Variants in ELMO2 observed in about 807,000 individuals in gnomAD.
ELMO2 encodes engulfment and cell motility 2.
Under a neutral mutation model 96.2 loss-of-function variants are expected in ELMO2, and 37 were observed. The observed-to-expected ratio is 0.38, with a 90% CI of 0.30 to 0.51. ELMO2 has a LOEUF of 0.51. Ranked by LOEUF, ELMO2 falls within the 20% of genes least tolerant of loss-of-function variation. ELMO2 has a pLI of 0.88. For missense variants in ELMO2, 561 were observed against 912.6 expected, an observed-to-expected ratio of 0.61 and a Z score of 4.96; for synonymous variants, 315 against 329.4, an observed-to-expected ratio of 0.96 and a Z score of 0.47.
intron 6 of ELMO2, among the ~76,000 whole-genome samples, chr20:46,391,743 TA>T (rs1205382767): frequency 6.6e-6 from 1 of 152,104 alleles, no homozygotes; most frequent in Non-Finnish European, 1.5e-5. Context: ...TAAGGGCACA[TA>T]AAAAATTGCA....
intron 1 of ELMO2, among the ~76,000 whole-genome samples, chr20:46,402,797 G>C (rs1466672157): frequency 1.3e-5 from 2 of 152,250 alleles, no homozygotes; most frequent in Non-Finnish European, 2.9e-5. Context: ...TTCTGGTTTA[G>C]TCCTCCTCCT....
chr20:46,374,078 T>A (rs1291369708), intron 15 of ELMO2, among the ~76,000 whole-genome samples: 5 of 146,008 alleles, frequency 3.4e-5, no homozygotes, highest in Non-Finnish European at 7.5e-5. Flanking sequence ...AGGCATGCAC[T>A]ACCAGTTGGC....
intron 1 of ELMO2, among the ~76,000 whole-genome samples, chr20:46,404,185 AC>A (rs1674239010): frequency 6.6e-6 from 1 of 152,116 alleles, no homozygotes; most frequent in Admixed American, 6.5e-5. Flanking sequence ...AGGTCCTGGG[AC>A]CAGACTTAGT....
intron 1 of ELMO2, among the ~76,000 whole-genome samples, chr20:46,401,478 C>G (rs1357788254): frequency 6.6e-6 from 1 of 152,134 alleles, no homozygotes; most frequent in Non-Finnish European, 1.5e-5. Flanking sequence ...GGCAGGGGAA[C>G]TATTTGGGTT....
In ELMO2 at chr20:46,366,342, G is replaced by A. The variant is rs2059586794; in HGVS notation, c.*1018C>T. The A allele has an allele frequency of 1.3e-5, 2 of 152,728 alleles. No homozygotes were observed. The highest frequency in any genetic ancestry group is 6.5e-5 in the Admixed American group (1 of 15,290). The allele number at this position is 152,728 out of a possible 1,614,324, so 9.5% of individuals were successfully genotyped here. A position where few individuals can be genotyped will look rare whatever the true frequency, so the allele number is the denominator to read the frequency against. On this transcript the variant is annotated 3_prime_UTR_variant, in exon 22 of 22. Transcript: ENST00000290246. The stretch of plus-strand genomic sequence containing the variant: ...ATGCCAATGTGCTAACGTATGTCCA[G>A]GGAGAGAGGCTGTGTGTGTGGTTTA...
Position 46,375,638 on chromosome 20 carries a change from G to T in ELMO2, c.930+30C>A. 1 of 1,613,694 alleles carries T rather than the reference G, an allele frequency of 6.2e-7. No individual in the cohort carries two copies. Among genetic ancestry groups the T allele is most frequent in the South Asian group, 1.1e-5 (1 of 91,018 alleles). On this transcript the variant is annotated intron_variant, in intron 12 of 21. Coordinates refer to ENST00000290246, the MANE Select transcript of ELMO2 (RefSeq NM_133171.5). This position sits in a 1 kb window ranked among gnomAD's most constrained non-coding sequence, Gnocchi z 4.6. ...TAAGGCTGGACTGCACCACAGCCAT[G>T]AGAAAACAGCTGCCCCACTTAGCAC... is the stretch of plus-strand genomic sequence containing the variant.
intron 6 of ELMO2, among the ~76,000 whole-genome samples, chr20:46,389,600 C>T (rs1394442284): frequency 6.6e-6 from 1 of 152,088 alleles, no homozygotes; most frequent in Non-Finnish European, 1.5e-5. Flanking sequence ...CATGTAATCC[C>T]AAGGCTTTGA....
chr20:46,376,862 T>G, intron 11 of ELMO2: 1 of 1,211,658 alleles, frequency 8.3e-7, no homozygotes, highest in Non-Finnish European at 1.1e-6. Context: ...TATGCAGCTA[T>G]TTGCATTTAA....
At chr20:46,403,596 T>C (rs1309893651) in intron 1 of ELMO2, among the ~76,000 whole-genome samples, 1 of 152,246 alleles carries the variant, frequency 6.6e-6, no homozygotes, top group Non-Finnish European at 1.5e-5. Flanking sequence ...CTCCAGCCCA[T>C]ACTGATTCTG....
At chr20:46,373,683 A>C (rs2059783131) in intron 15 of ELMO2, 148 bp from the exon 16 acceptor site, 1 of 996,154 alleles carries the variant, frequency 1.0e-6, no homozygotes, top group Non-Finnish European at 1.4e-6. Flanking sequence ...GGCGTTTCTC[A>C]CGTCCTTAGC....
At chr20:46,380,797 G>T (rs763507768) in intron 10 of ELMO2, among the ~76,000 whole-genome samples, 4 of 152,204 alleles carry the variant, frequency 2.6e-5, no homozygotes, top group Non-Finnish European at 5.9e-5. Context: ...CTCTACAACA[G>T]TAAGTAGTCT....
At chr20:46,398,351 C>G (rs1404463839) in intron 2 of ELMO2, among the ~76,000 whole-genome samples, 1 of 151,894 alleles carries the variant, frequency 6.6e-6, no homozygotes, top group Non-Finnish European at 1.5e-5. Context: ...TTGCTCTTGT[C>G]GCCTAGGCTG....
At chr20:46,383,677 T>C (rs1210240743) in intron 9 of ELMO2, among the ~76,000 whole-genome samples, 183 bp from the exon 10 acceptor site, 2 of 152,224 alleles carry the variant, frequency 1.3e-5, no homozygotes, top group African/African-American at 2.4e-5. Context: ...GAATTTATCC[T>C]AAGACAGTAA....
chr20:46,386,083 C>A, intron 9 of ELMO2, 41 bp downstream of exon 9: 1 of 1,594,242 alleles, frequency 6.3e-7, no homozygotes, highest in Non-Finnish European at 8.6e-7. Flanking sequence ...GAAAAGAGGA[C>A]AGACAAGTGA....
intron 1 of ELMO2, among the ~76,000 whole-genome samples, chr20:46,401,952 T>C (rs1483789188): frequency 6.6e-6 from 1 of 152,174 alleles, no homozygotes; most frequent in African/African-American, 2.4e-5. Context: ...CTGGCTACGA[T>C]AGGTGTGATG....
chr20:46,393,455 T>C, intron 5 of ELMO2, 74 bp downstream of exon 5: 6 of 1,507,852 alleles, frequency 4.0e-6, no homozygotes, highest in Non-Finnish European at 5.5e-6. Flanking sequence ...TGAGTGAAGA[T>C]AAATAGTGCC....
intron 10 of ELMO2, chr20:46,382,364 A>G: frequency 1.2e-6 from 1 of 863,298 alleles, no homozygotes; most frequent in Non-Finnish European, 1.7e-6. Flanking sequence ...AAGGACAGAC[A>G]GAACCACAGA....
chr20:46,387,222 C>T, intron 8 of ELMO2, 116 bp downstream of exon 8: 1 of 799,726 alleles, frequency 1.3e-6, no homozygotes, highest in Non-Finnish European at 2.0e-6. Flanking sequence ...AAAAATCTGG[C>T]CCCAGGGAAT....
Position 46,375,522 on chromosome 20 carries a change from T to G in ELMO2, c.930+146A>C, listed in dbSNP as rs1778075407. The G allele has an allele frequency of 6.7e-7, 1 of 1,482,202 alleles. No individual in the cohort carries two copies. The highest frequency in any genetic ancestry group is 9.2e-7 in the Non-Finnish European group (1 of 1,091,734). The allele number at this position is 1,482,202 out of a possible 1,614,324, so 91.8% of individuals were successfully genotyped here. A position where few individuals can be genotyped will look rare whatever the true frequency, so the allele number is the denominator to read the frequency against. On this transcript the variant is annotated intron_variant, in intron 12 of 21. Transcript: ENST00000290246. This position sits in a 1 kb window ranked among gnomAD's most constrained non-coding sequence, Gnocchi z 4.6. ...TACCACAGCAGGACAGAAATGGGCT[T>G]GGCTCATGGTGCAGATCATGCTAGA... is the stretch of plus-strand genomic sequence containing the variant.
Sources: gnomAD v4.1 joint callset for allele counts (sites outside exome capture counted in the v4.1 genomes callset) on GRCh38, gnomAD v4.1.1 for gene constraint, Gnocchi (gnomAD v3.1) non-coding constraint, MANE v1.5 for transcripts, NCBI Gene and HGNC (gene_info 2026-07-23, HGNC 2026-07-21) for gene names.